The following CNTN3 variants were observed in gnomAD, a reference collection of about 807,000 sequenced individuals.
CNTN3 encodes the protein contactin-3.
A neutral mutation model predicts 119.1 loss-of-function variants in CNTN3; 60 were observed. The ratio of observed to expected loss-of-function variants is 0.50; its 90% CI spans 0.41 to 0.62. The LOEUF (loss-of-function observed/expected upper bound fraction) is 0.62, where lower values mean the gene tolerates loss of function less well. CNTN3 is among the 20% of genes least tolerant of loss of function. The probability of loss-of-function intolerance (pLI) is 0.00; values close to 1 mark genes in which losing one functional copy is unlikely to be tolerated. For missense variants in CNTN3, 1,101 were observed against 1,242.4 expected (o/e 0.89, Z 1.71); for synonymous variants, 450 against 438.7 (o/e 1.03, Z -0.32).
At position 74,559,820 on chromosome 3, in the gene CNTN3, T is replaced by C. The variant is rs181985737; in HGVS notation, c.-80-38628A>G. 1.8e-4 allele frequency among the ~76,000 whole-genome samples: 28 copies of C among 152,250 alleles called. No homozygotes were observed. In the East Asian group the frequency reaches 4.8e-3, roughly 26 times the overall value. On this transcript the variant is annotated intron_variant, in intron 1 of 22. Coordinates refer to ENST00000263665, the MANE Select transcript of CNTN3 (RefSeq NM_020872.3). ...ATATAATAACATACAAATTTTGTAG[T>C]TTCTCAAAGTGTATTTCAGTGACCG...
At chr3:74,273,649 G>A (rs910872307) in intron 20 of CNTN3, among the ~76,000 whole-genome samples, 1 of 152,164 alleles carries the variant, frequency 6.6e-6, no homozygotes, top group Non-Finnish European at 1.5e-5. Context: ...AAGAAGCAGC[G>A]GGAAAGGCCC....
At chr3:74,486,968 A>C (rs1381165093) in intron 3 of CNTN3, among the ~76,000 whole-genome samples, 2 of 152,184 alleles carry the variant, frequency 1.3e-5, no homozygotes, top group Non-Finnish European at 2.9e-5. Context: ...TATCTCAGAT[A>C]CTTTAGGCCA....
intron 13 of CNTN3, among the ~76,000 whole-genome samples, chr3:74,309,121 T>G (rs578020966): frequency 6.6e-6 from 1 of 152,210 alleles, no homozygotes; most frequent in East Asian, 1.9e-4. Context: ...TTATTTATTT[T>G]TGAGATGGAG....
intron 8 of CNTN3, among the ~76,000 whole-genome samples, chr3:74,367,391 T>G (rs139154412): frequency 1.4e-3 from 220 of 152,224 alleles, no homozygotes; most frequent in African/African-American, 5.0e-3. Context: ...AATTTTTAAT[T>G]CAGTTGTCCA....
rs747331902 is a variant in CNTN3 at position 74,371,416 on chromosome 3, A to G, written c.455-17T>C. On this transcript the variant is annotated splice_polypyrimidine_tract_variant and intron_variant, in intron 5 of 22. Coordinates refer to ENST00000263665, the MANE Select transcript of CNTN3 (RefSeq NM_020872.3). Reference sequence around the variant, plus strand: ...ATGACAGTTCTAATAAAATTGTTGAAGAGAGAAAGAAATTCCATCATTAAG... The same window carrying G: ...ATGACAGTTCTAATAAAATTGTTGAGGAGAGAAAGAAATTCCATCATTAAG... 1.3e-6 allele frequency: 2 copies of G among 1,584,734 alleles called. No individual in the cohort carries two copies. The highest frequency in any genetic ancestry group is 2.7e-5 in the African/African-American group (2 of 74,228).
In CNTN3 at chr3:74,468,879, G is replaced by A. The variant is rs1027458621; in HGVS notation, c.358+17577C>T. On this transcript the variant is annotated intron_variant, in intron 4 of 22. Coordinates refer to ENST00000263665, the MANE Select transcript of CNTN3 (RefSeq NM_020872.3). The stretch of plus-strand genomic sequence containing the variant: ...ATTATTTTCCAAACTGAATTACATC[G>A]TTTTACAAAAATAGGTTCCAAGCCT... Among the ~76,000 whole-genome samples the A allele has an allele frequency of 2.0e-5, 3 of 151,896 alleles. 1 individual carries two copies. Among genetic ancestry groups the A allele is most frequent in the South Asian group, 4.2e-4 (2 of 4,810 alleles).
chr3:74,305,511 A>T (rs1375127593), intron 13 of CNTN3, among the ~76,000 whole-genome samples: 1 of 152,186 alleles, frequency 6.6e-6, no homozygotes, highest in Non-Finnish European at 1.5e-5. Flanking sequence ...ACCCTGTAAC[A>T]GTAGAATGGA....
At chr3:74,277,135 T>A (rs1701898610) in intron 20 of CNTN3, among the ~76,000 whole-genome samples, 1 of 152,184 alleles carries the variant, frequency 6.6e-6, no homozygotes, top group East Asian at 1.9e-4. Flanking sequence ...ACTGAAATGG[T>A]AATTAAAAAA....
At chr3:74,540,805 G>A (rs577166558) in intron 1 of CNTN3, among the ~76,000 whole-genome samples, 1 of 152,168 alleles carries the variant, frequency 6.6e-6, no homozygotes, top group Non-Finnish European at 1.5e-5. Flanking sequence ...AGAAAGCCAA[G>A]TGTTCCTATT....
intron 13 of CNTN3, among the ~76,000 whole-genome samples, chr3:74,312,047 C>T (rs1702696614): frequency 6.6e-6 from 1 of 152,054 alleles, no homozygotes; most frequent in Admixed American, 6.5e-5. Context: ...TCAGAGAGTT[C>T]TACTGGGTCC....
At chr3:74,395,366 T>TAC (rs1372198960) in intron 5 of CNTN3, among the ~76,000 whole-genome samples, 1 of 134,716 alleles carries the variant, frequency 7.4e-6, no homozygotes, top group East Asian at 2.7e-4. Context: ...TATATCTTTA[T>TAC]ACACACACAC....
intron 1 of CNTN3, among the ~76,000 whole-genome samples, chr3:74,523,595 C>T (rs1172245308): frequency 2.0e-5 from 3 of 151,668 alleles, no homozygotes; most frequent in South Asian, 2.1e-4. Flanking sequence ...AGAAGGAATT[C>T]GGCAATAACA....
At position 74,450,975 on chromosome 3, in the gene CNTN3, C is replaced by T. The variant is rs574545312; in HGVS notation, c.359-26035G>A. Among the ~76,000 whole-genome samples the T allele has an allele frequency of 2.0e-5, 3 of 152,150 alleles. No homozygotes were observed. The South Asian group carries it at 6.2e-4, about 32-fold the overall frequency. On this transcript the variant is annotated intron_variant, in intron 4 of 22. Coordinates refer to ENST00000263665, the MANE Select transcript of CNTN3 (RefSeq NM_020872.3). ...TGTGAATAGTGCTGCAATAAACATA[C>T]ATGTGCATGTGTCTTTATAGCAGCA...
chr3:74,543,145 A>C (rs1174337136), intron 1 of CNTN3, among the ~76,000 whole-genome samples: 1 of 152,116 alleles, frequency 6.6e-6, no homozygotes, highest in Non-Finnish European at 1.5e-5. Flanking sequence ...ACAAAAAAAA[A>C]ATTGTGTATT....
chr3:74,535,865 A>G (rs968581721), intron 1 of CNTN3, among the ~76,000 whole-genome samples: 13 of 151,878 alleles, frequency 8.6e-5, no homozygotes, highest in African/African-American at 3.1e-4. Context: ...TATATCTGCA[A>G]CTCAGCTGCA....
intron 1 of CNTN3, among the ~76,000 whole-genome samples, chr3:74,583,619 G>GC (rs966194001): frequency 3.3e-5 from 5 of 152,188 alleles, no homozygotes; most frequent in African/African-American, 1.2e-4. Flanking sequence ...CTGGATGAAT[G>GC]CAAGTCTTGT....
intron 10 of CNTN3, among the ~76,000 whole-genome samples, chr3:74,363,483 A>T (rs528855332): frequency 6.6e-6 from 1 of 152,292 alleles, no homozygotes; most frequent in South Asian, 2.1e-4. Context: ...AGACATTTCT[A>T]AATTTCCCTC....
chr3:74,344,569 T>C (rs1006438424), intron 11 of CNTN3, among the ~76,000 whole-genome samples: 1 of 151,510 alleles, frequency 6.6e-6, no homozygotes, highest in Non-Finnish European at 1.5e-5. Context: ...GCCATTCTCC[T>C]GCCTCGGCCT....
intron 19 of CNTN3, among the ~76,000 whole-genome samples, chr3:74,290,599 G>A (rs1022059051): frequency 5.3e-5 from 8 of 152,320 alleles, no homozygotes; most frequent in Admixed American, 4.6e-4. Context: ...CAAGAATTAT[G>A]ATCCTGTCAT....
Sources: gnomAD v4.1 joint callset for allele counts (sites outside exome capture counted in the v4.1 genomes callset) on GRCh38, gnomAD v4.1.1 for gene constraint, MANE v1.5 for transcripts, NCBI Gene and HGNC (gene_info 2026-07-23, HGNC 2026-07-21) for gene names.